The following PCDH15 variants were observed in gnomAD, a reference collection of about 807,000 sequenced individuals.
PCDH15 encodes the protein protocadherin-15.
In PCDH15, 129 loss-of-function variants were observed where a neutral mutation model predicts 178.5. That is an observed-to-expected ratio of 0.72 (90% CI 0.63 to 0.84). PCDH15 has a LOEUF of 0.84. Among genes scored for constraint, PCDH15 ranks in the 40% least tolerant of loss-of-function variants. The pLI, the probability that PCDH15 is intolerant of heterozygous loss-of-function variation, is 0.00. For missense variants in PCDH15, 2,230 were observed against 2,099.9 expected (o/e 1.06, Z -1.21); for synonymous variants, 800 against 732.0 (o/e 1.09, Z -1.50).
rs369796538 is a variant in PCDH15, at chr10:55,284,408, A to C, written c.-156+35191T>G. 4.6e-5 allele frequency among the ~76,000 whole-genome samples: 7 copies of C among 152,060 alleles called. No homozygotes were observed. In the South Asian group the frequency reaches 1.5e-3, roughly 32 times the overall value. On this transcript the variant is annotated intron_variant, in intron 1 of 5. Transcript: ENST00000458638. ...GCCATTCCCCAGTGTTTTCACAGGG[A>C]TTTGAAAATTAAAAAAATAAGTGAG...
rs973220435 is a variant in PCDH15 at position 54,971,678 on chromosome 10, A to G, written c.-79-74178T>C. Among the ~76,000 whole-genome samples the G allele has an allele frequency of 2.6e-5, 4 of 152,342 alleles. No individual in the cohort carries two copies. The East Asian group carries it at 7.7e-4, about 29-fold the overall frequency. ...TTCCTCCCACTTCAATAACTAGAAT[A>G]CAGATGTAAACTTCAAATTAATTTG... On this transcript the variant is annotated intron_variant, in intron 2 of 5. Coordinates refer to the PCDH15 transcript ENST00000458638.
In PCDH15 at chr10:54,654,686, C is replaced by T. The variant is rs149119358; in HGVS notation, c.91+9486G>A. ...AAGTCATTGATGACTCAGAGCCAAG[C>T]AAGTTTATAATTACATTTTTGCTCA... is the stretch of plus-strand genomic sequence containing the variant. On this transcript the variant is annotated intron_variant, in intron 2 of 37. Transcript: ENST00000644397. 1.8e-3 allele frequency among the ~76,000 whole-genome samples: 272 copies of T among 152,256 alleles called. 2 individuals carry two copies. The highest frequency in any genetic ancestry group is 3.4e-3 in the Middle Eastern group (1 of 294).
intron 2 of PCDH15, among the ~76,000 whole-genome samples, chr10:55,035,458 T>A (rs1387931612): frequency 6.6e-6 from 1 of 152,154 alleles, no homozygotes; most frequent in Non-Finnish European, 1.5e-5. Flanking sequence ...GTTCATATTA[T>A]CCTCTCTGTA....
At chr10:54,421,871 TATATATATATATAC>T in intron 3 of PCDH15, among the ~76,000 whole-genome samples, 1 of 41,368 alleles carries the variant, frequency 2.4e-5, no homozygotes, top group African/African-American at 1.4e-4. Flanking sequence ...ATACACACAC[TATATATATATATAC>T]ACACACACAC....
chr10:54,490,608 G>A (rs1258102313), intron 3 of PCDH15, among the ~76,000 whole-genome samples: 6 of 151,956 alleles, frequency 3.9e-5, no homozygotes, highest in African/African-American at 7.2e-5. Flanking sequence ...ACTTTGCCAC[G>A]TAACAGAATC....
intron 2 of PCDH15, among the ~76,000 whole-genome samples, chr10:55,011,173 G>A (rs917070177): frequency 6.6e-6 from 1 of 152,088 alleles, no homozygotes; most frequent in Non-Finnish European, 1.5e-5. Flanking sequence ...TAATGCAGGA[G>A]ACAGAAAAAC....
intron 3 of PCDH15, among the ~76,000 whole-genome samples, chr10:54,420,306 A>C (rs1403523156): frequency 1.3e-5 from 2 of 152,090 alleles, no homozygotes; most frequent in African/African-American, 4.8e-5. Context: ...CTTCATGAGA[A>C]ATGCCAAAGA....
intron 3 of PCDH15, among the ~76,000 whole-genome samples, chr10:54,877,453 T>C (rs896063838): frequency 1.3e-5 from 2 of 152,194 alleles, no homozygotes; most frequent in African/African-American, 4.8e-5. Context: ...ATGGATATGA[T>C]GCATGTTATT....
At chr10:54,284,925 C>T in intron 8 of PCDH15, among the ~76,000 whole-genome samples, 1 of 151,988 alleles carries the variant, frequency 6.6e-6, no homozygotes, top group East Asian at 1.9e-4. Context: ...AGTCCAAAAG[C>T]CCAAAGACTA....
chr10:54,251,966 T>TC (rs139817048), intron 8 of PCDH15, among the ~76,000 whole-genome samples: 2 of 152,196 alleles, frequency 1.3e-5, no homozygotes, highest in South Asian at 2.1e-4. Flanking sequence ...AAATATATGC[T>TC]CCCCCCTGCC....
chr10:54,958,202 G>A (rs1838542599), intron 2 of PCDH15, among the ~76,000 whole-genome samples: 1 of 151,558 alleles, frequency 6.6e-6, no homozygotes, highest in South Asian at 2.1e-4. Context: ...TATCTTCCAT[G>A]TATATGTGAA....
At chr10:54,349,668 C>T (rs1457313939) in intron 5 of PCDH15, among the ~76,000 whole-genome samples, 1 of 151,976 alleles carries the variant, frequency 6.6e-6, no homozygotes, top group South Asian at 2.1e-4. Flanking sequence ...ATAAACTCTA[C>T]ATTGTTATAA....
At chr10:55,015,892 A>G (rs567480079) in intron 2 of PCDH15, among the ~76,000 whole-genome samples, 25 of 152,094 alleles carry the variant, frequency 1.6e-4, no homozygotes, top group Admixed American at 1.4e-3. Context: ...CCCACAGGAG[A>G]TCTATGAGGG....
chr10:55,059,038 C>T (rs147658765), intron 2 of PCDH15, among the ~76,000 whole-genome samples: 2 of 152,270 alleles, frequency 1.3e-5, no homozygotes, highest in East Asian at 3.9e-4. Flanking sequence ...CGTGAAATCA[C>T]GTTCTAGAGC....
rs184679809 is a variant in PCDH15 at position 54,052,025 on chromosome 10, G to A, written c.2220+14732C>T. ...TGGGTGCACAGAAGTCAAGAATTGA[G>A]GTTTGGAAACCTCTGCCTAGATTTC... On this transcript the variant is annotated intron_variant, in intron 18 of 37. Transcript: ENST00000644397. 5.9e-5 allele frequency among the ~76,000 whole-genome samples: 9 copies of A among 152,320 alleles called. 1 individual carries two copies. Among genetic ancestry groups the A allele is most frequent in the African/African-American group, 2.2e-4 (9 of 41,562 alleles).
At chr10:55,253,347 T>C (rs1220236305) in intron 1 of PCDH15, among the ~76,000 whole-genome samples, 1 of 152,112 alleles carries the variant, frequency 6.6e-6, no homozygotes, top group Non-Finnish European at 1.5e-5. Flanking sequence ...TCTAAAAAGC[T>C]GAGCTGGACA....
rs1477946011 is a variant in PCDH15 at position 54,228,830 on chromosome 10, C to T, written c.985+7993G>A. Among the ~76,000 whole-genome samples the T allele has an allele frequency of 7.9e-5, 12 of 152,146 alleles. No individual in the cohort carries two copies. The South Asian group carries it at 2.5e-3, about 32-fold the overall frequency. ...TTCAAATATTAGTCTCTTTTTGAAA[C>T]ACTCTCTTAGACAGACCCAGAAATA... On this transcript the variant is annotated intron_variant, in intron 9 of 37. Transcript: ENST00000644397.
At chr10:55,214,390 T>C (rs1456451548) in intron 1 of PCDH15, among the ~76,000 whole-genome samples, 2 of 151,988 alleles carry the variant, frequency 1.3e-5, no homozygotes, top group Non-Finnish European at 2.9e-5. Flanking sequence ...TATTTCTCTC[T>C]GCAGTTACAT....
intron 13 of PCDH15, among the ~76,000 whole-genome samples, chr10:54,175,205 C>G (rs775909342): frequency 6.6e-6 from 1 of 151,942 alleles, no homozygotes; most frequent in Non-Finnish European, 1.5e-5. Context: ...CCAAAGAAAA[C>G]AAAATCATTA....
Sources: allele counts gnomAD v4.1 joint callset (sites outside exome capture counted in the v4.1 genomes callset), GRCh38; gene constraint gnomAD v4.1.1; transcripts MANE v1.5; gene names NCBI Gene and HGNC (gene_info 2026-07-23, HGNC 2026-07-21).